Variants in PSD3 observed in about 807,000 individuals in gnomAD.
PSD3 encodes the protein pleckstrin and Sec7 domain containing 3, also known as PH and SEC7 domain-containing protein 3.
A neutral mutation model predicts 105.5 loss-of-function variants in PSD3; 49 were observed. The observed-to-expected ratio is 0.46, with a 90% CI of 0.37 to 0.59. PSD3 has a LOEUF of 0.59. PSD3 is among the 20% of genes least tolerant of loss of function. PSD3 has a pLI of 0.00. For synonymous variants in PSD3, 557 were observed against 457.8 expected (o/e 1.22, Z -2.77); for missense variants, 1,561 against 1,263.8 (o/e 1.24, Z -3.57).
intron 1 of PSD3, chr8:18,939,991 G>C (rs1201688744): frequency 6.6e-6 from 1 of 152,174 alleles, no homozygotes; most frequent in Non-Finnish European, 1.5e-5. Context: ...GCTGAGTCAT[G>C]ATTAAAAGTG....
At chr8:18,818,084 G>T (rs1224323323) in intron 4 of PSD3, among the ~76,000 whole-genome samples, 3 of 152,082 alleles carry the variant, frequency 2.0e-5, no homozygotes, top group African/African-American at 7.2e-5. Flanking sequence ...CTCCCTAGCA[G>T]CTGGGACTAC....
chr8:18,758,669 A>G (rs1806260273), intron 9 of PSD3, among the ~76,000 whole-genome samples: 1 of 152,088 alleles, frequency 6.6e-6, no homozygotes, highest in South Asian at 2.1e-4. Flanking sequence ...TCTTTATTTA[A>G]AATGTGTTTT....
intron 2 of PSD3, among the ~76,000 whole-genome samples, chr8:18,881,069 C>A (rs552130858): frequency 2.6e-5 from 4 of 152,188 alleles, no homozygotes; most frequent in Non-Finnish European, 5.9e-5. Context: ...ACTTTTCTAT[C>A]AGAGACTTTA....
chr8:18,830,575 G>A (rs529009449), intron 4 of PSD3, among the ~76,000 whole-genome samples: 90 of 152,266 alleles, frequency 5.9e-4, no homozygotes, highest in Admixed American at 1.5e-3. Context: ...GCAGATATCA[G>A]GTATCAAAGT....
intron 8 of PSD3, among the ~76,000 whole-genome samples, chr8:18,780,889 A>G (rs997199610): frequency 1.3e-5 from 2 of 152,176 alleles, no homozygotes; most frequent in Non-Finnish European, 2.9e-5. Context: ...TGATTATGAC[A>G]GATATTGTCC....
At chr8:18,971,736 G>A (rs891853207) in intron 1 of PSD3, among the ~76,000 whole-genome samples, 1 of 152,116 alleles carries the variant, frequency 6.6e-6, no homozygotes, top group African/African-American at 2.4e-5. Context: ...CAGGTGCAGT[G>A]GCTCACACCT....
intron 9 of PSD3, among the ~76,000 whole-genome samples, chr8:18,671,853 G>A (rs148418866): frequency 6.6e-6 from 1 of 152,010 alleles, no homozygotes; most frequent in African/African-American, 2.4e-5. Flanking sequence ...GAATGGTCTC[G>A]ATCTCCTGAC....
intron 1 of PSD3, among the ~76,000 whole-genome samples, chr8:18,970,344 A>AAAAAAAAAAAG (rs1563474672): frequency 6.7e-5 from 10 of 148,404 alleles, no homozygotes; most frequent in South Asian, 2.1e-4. Flanking sequence ...AAAAAAAAAA[A>AAAAAAAAAAAG]AAAACAAAGA....
chr8:18,592,280 GAAGA>G (rs1199862022), intron 12 of PSD3, among the ~76,000 whole-genome samples: 2 of 152,032 alleles, frequency 1.3e-5, no homozygotes, highest in South Asian at 2.1e-4. Flanking sequence ...AGAAAACAAA[GAAGA>G]AAGAATGAGC....
chr8:18,678,408 C>G (rs1056669309), intron 9 of PSD3, among the ~76,000 whole-genome samples: 2 of 152,194 alleles, frequency 1.3e-5, no homozygotes, highest in African/African-American at 4.8e-5. Context: ...AAACCATCAA[C>G]TTCTTTTAAA....
At chr8:18,812,512 G>C (rs952488014) in intron 4 of PSD3, among the ~76,000 whole-genome samples, 5 of 152,180 alleles carry the variant, frequency 3.3e-5, no homozygotes, top group Non-Finnish European at 2.9e-5. Flanking sequence ...ATGTGCCAGG[G>C]AGGAGCTGGC....
chr8:18,588,204 T>C (rs933877881), intron 12 of PSD3, among the ~76,000 whole-genome samples: 1 of 152,212 alleles, frequency 6.6e-6, no homozygotes, highest in African/African-American at 2.4e-5. Flanking sequence ...AAGGTCTTCC[T>C]TCTTGTACAG....
At chr8:18,651,590 G>A (rs887644212) in intron 10 of PSD3, among the ~76,000 whole-genome samples, 2 of 152,112 alleles carry the variant, frequency 1.3e-5, no homozygotes, top group African/African-American at 4.8e-5. Context: ...ATCCAGACAT[G>A]TATCATTTCC....
At position 18,771,426 on chromosome 8, in the gene PSD3, T is replaced by G. The variant is rs117862936; in HGVS notation, c.2083-5888A>C. On this transcript the variant is annotated intron_variant, in intron 8 of 15. Coordinates refer to ENST00000327040, the MANE Select transcript of PSD3 (RefSeq NM_015310.4). ...GTGTATTTTATATCTAAGAAATCAT[T>G]GCCTAATCCAACATCACAAAGATTT... 4.8e-3 allele frequency among the ~76,000 whole-genome samples: 734 copies of G among 152,326 alleles called. 24 individuals carry two copies. The highest frequency in any genetic ancestry group is 0.035 in the Admixed American group (536 of 15,292).
At chr8:18,730,792 T>C (rs1002173130) in intron 9 of PSD3, among the ~76,000 whole-genome samples, 4 of 152,168 alleles carry the variant, frequency 2.6e-5, no homozygotes, top group Non-Finnish European at 4.4e-5. Context: ...GGCACTGTTT[T>C]TCAGAAATTT....
At chr8:18,913,896 C>T (rs992855235) in intron 2 of PSD3, among the ~76,000 whole-genome samples, 2 of 151,942 alleles carry the variant, frequency 1.3e-5, no homozygotes, top group African/African-American at 4.8e-5. Context: ...GATCCAGGTA[C>T]CAAGCCCATC....
At chr8:18,908,100 C>T (rs963095581) in intron 2 of PSD3, among the ~76,000 whole-genome samples, 46 of 152,010 alleles carry the variant, frequency 3.0e-4, no homozygotes, top group Middle Eastern at 3.4e-3. Context: ...TCAAAAATAG[C>T]CAAATGCCAA....
At chr8:18,710,821 A>AG (rs1802207129) in intron 9 of PSD3, among the ~76,000 whole-genome samples, 1 of 152,026 alleles carries the variant, frequency 6.6e-6, no homozygotes, top group African/African-American at 2.4e-5. Flanking sequence ...AGCTGGGATT[A>AG]CAGGTGCCTG....
chr8:18,658,112 G>A (rs1300832621), intron 9 of PSD3, among the ~76,000 whole-genome samples: 1 of 152,146 alleles, frequency 6.6e-6, no homozygotes, highest in Non-Finnish European at 1.5e-5. Flanking sequence ...AGTATTGCAG[G>A]TCAAGTCCTC....
Sources: gnomAD v4.1 joint callset for allele counts (sites outside exome capture counted in the v4.1 genomes callset) on GRCh38, gnomAD v4.1.1 for gene constraint, MANE v1.5 for transcripts, NCBI Gene and HGNC (gene_info 2026-07-23, HGNC 2026-07-21) for gene names.